Variants in STRA6 observed in about 807,000 individuals in gnomAD.
STRA6 encodes receptor for retinol uptake STRA6.
STRA6 carries 48 observed loss-of-function variants against 83.6 expected under a neutral mutation model. That is an observed-to-expected ratio of 0.57 (90% confidence interval 0.46 to 0.73). The LOEUF is 0.73. Ranked by LOEUF, STRA6 falls within the 30% of genes least tolerant of loss-of-function variation. The pLI is 0.00. For synonymous variants in STRA6, 353 were observed against 362.3 expected (o/e 0.97, Z 0.29); for missense variants, 760 against 838.8 (o/e 0.91, Z 1.16).
intron 7 of STRA6, chr15:74,194,809 C>A: frequency 3.1e-6 from 4 of 1,303,362 alleles, no homozygotes; most frequent in Non-Finnish European, 3.9e-6. Context: ...AAGCCTGTAC[C>A]ATCACTCTTT....
Position 74,183,850 on chromosome 15 carries a change from G to T in STRA6, c.1300+6C>A. On this transcript the variant is annotated splice_donor_region_variant and intron_variant, in intron 14 of 18. Transcript: ENST00000395105. Reference sequence around the variant, plus strand: ...AGGCTGGGTGTGGCGGGCAAGGGAGGCTCACCAAGGCAGATAAAGGCTGTC... The same window carrying T: ...AGGCTGGGTGTGGCGGGCAAGGGAGTCTCACCAAGGCAGATAAAGGCTGTC... 9 of 1,613,872 alleles carry T rather than the reference G, an allele frequency of 5.6e-6. No homozygotes were observed. Among genetic ancestry groups the T allele is most frequent in the Non-Finnish European group, 7.6e-6 (9 of 1,180,006 alleles).
intron 1 of STRA6, chr15:74,208,790 T>C (rs1373779765): frequency 2.0e-6 from 2 of 988,616 alleles, no homozygotes; most frequent in Non-Finnish European, 2.4e-6. Context: ...CAGACTTGGC[T>C]CCAGCCTACC....
chr15:74,195,955 CA>C, intron 5 of STRA6, 52 bp downstream of exon 5: 1 of 1,610,370 alleles, frequency 6.2e-7, no homozygotes, highest in Non-Finnish European at 8.5e-7. Flanking sequence ...TCCGAGACCC[CA>C]CCCTACCCCA....
Position 74,197,076 on chromosome 15 carries a change from G to C in STRA6, c.266+262C>G, listed in dbSNP as rs192612522. On this transcript the variant is annotated intron_variant, in intron 4 of 18. Transcript: ENST00000395105. ...CTGAGAAGGTACACTCTGACGCTGGGTCCTGTCAGGCTTGTTTCCCTAGGG... is the reference window on the plus strand; with the variant it reads ...CTGAGAAGGTACACTCTGACGCTGGCTCCTGTCAGGCTTGTTTCCCTAGGG... Among the ~76,000 whole-genome samples the C allele has an allele frequency of 1.2e-3, 182 of 152,310 alleles. 1 individual carries two copies. Among genetic ancestry groups the C allele is most frequent in the African/African-American group, 4.1e-3 (169 of 41,558 alleles).
rs957417767 is a variant in STRA6, at chr15:74,188,953, C to T, written c.1090+162G>A. Reference sequence around the variant, plus strand: ...TTTCATGGAAGCTCAGAACTGGAAGCGCCAACTGCCACAATTTGGAGATGA... The same window carrying T: ...TTTCATGGAAGCTCAGAACTGGAAGTGCCAACTGCCACAATTTGGAGATGA... On this transcript the variant is annotated intron_variant, in intron 12 of 18. Transcript: ENST00000395105. This position sits in a 1 kb window ranked among gnomAD's most constrained non-coding sequence, Gnocchi z 4.5. 6.6e-6 allele frequency among the ~76,000 whole-genome samples: 1 copy of T among 152,154 alleles called. No individual in the cohort carries two copies. Among genetic ancestry groups the T allele is most frequent in the African/African-American group, 2.4e-5 (1 of 41,424 alleles).
In STRA6 at chr15:74,194,769, C is replaced by T. The variant is rs1394455385; in HGVS notation, c.597+533G>A. 4.7e-6 allele frequency: 6 copies of T among 1,268,148 alleles called. No individual in the cohort carries two copies. The African/African-American group carries it at 7.7e-5, about 16-fold the overall frequency. 78.6% of individuals were successfully genotyped at this position (1,268,148 alleles called of 1,614,324 possible). On this transcript the variant is annotated intron_variant, in intron 7 of 18. Transcript: ENST00000395105. Reference sequence around the variant, plus strand: ...TGAGTGAATGAATGAAGTGGTGAAGCTGGATTCACACTCAGGTTGTCTGGC... The same window carrying T: ...TGAGTGAATGAATGAAGTGGTGAAGTTGGATTCACACTCAGGTTGTCTGGC...
chr15:74,197,429 A>G lies in STRA6; in HGVS notation c.181-6T>C. 1 of 1,550,124 alleles carries G rather than the reference A, an allele frequency of 6.5e-7. No individual in the cohort carries two copies. The highest frequency in any genetic ancestry group is 2.4e-5 in the East Asian group (1 of 40,896). ...AGGAGCAGCAGCACAAGGATCTGAA[A>G]GGAGAGTGCAGAGGAGGGCTTGGGG... is the stretch of plus-strand genomic sequence containing the variant. On this transcript the variant is annotated splice_polypyrimidine_tract_variant and splice_region_variant and intron_variant, in intron 3 of 18. Transcript: ENST00000395105.
At chr15:74,208,303 C>T (rs552917190) in intron 1 of STRA6, among the ~76,000 whole-genome samples, 4 of 152,228 alleles carry the variant, frequency 2.6e-5, no homozygotes, top group Non-Finnish European at 4.4e-5. Context: ...TTCCTGCCTT[C>T]GGAGGACTAG....
In STRA6 at chr15:74,180,967, G is replaced by T. The variant is rs375402405; in HGVS notation, c.1685-30C>A. The T allele has an allele frequency of 1.2e-5, 19 of 1,612,142 alleles. No individual in the cohort carries two copies. The African/African-American group carries it at 2.4e-4, about 20-fold the overall frequency. ...GGTGGGGTGGCGGATGGCAATGCTG[G>T]GGGAGCAGGGGCCACACTGGAGGCA... is the stretch of plus-strand genomic sequence containing the variant. On this transcript the variant is annotated intron_variant, in intron 17 of 18. Coordinates refer to ENST00000395105, the MANE Select transcript of STRA6 (RefSeq NM_022369.4).
intron 16 of STRA6, 54 bp from the exon 17 acceptor site, chr15:74,181,512 G>A: frequency 6.3e-7 from 1 of 1,599,300 alleles, no homozygotes; most frequent in Non-Finnish European, 8.5e-7. Context: ...TCCCTCCCCA[G>A]GGTCAGTGTC....
At chr15:74,189,669 T>C (rs893384926) in intron 11 of STRA6, among the ~76,000 whole-genome samples, 8 of 150,328 alleles carry the variant, frequency 5.3e-5, no homozygotes, top group East Asian at 1.9e-4. Context: ...ACTTCTTCTT[T>C]TTTTTTTTTT....
At chr15:74,184,011 C>CA in intron 13 of STRA6, 22 bp from the exon 14 acceptor site, 5 of 1,611,136 alleles carry the variant, frequency 3.1e-6, no homozygotes, top group Non-Finnish European at 4.2e-6. Context: ...GCCAGGGAGG[C>CA]AGAGACCTCA....
intron 11 of STRA6, among the ~76,000 whole-genome samples, chr15:74,189,502 C>T (rs1015414653): frequency 1.3e-5 from 2 of 152,128 alleles, no homozygotes; most frequent in Admixed American, 6.5e-5. Context: ...CTTCGAGCAC[C>T]GTAACTTCAT....
upstream of STRA6, chr15:74,209,091 C>G: frequency 1.6e-6 from 2 of 1,289,020 alleles, no homozygotes; most frequent in Non-Finnish European, 2.0e-6. Flanking sequence ...CTCCTGCCCT[C>G]ACAGACCTCC....
Position 74,197,787 on chromosome 15 carries a change from G to C in STRA6, c.145C>G (p.Pro49Ala), listed in dbSNP as rs151176007. ...EVPSCHTSIP[P>A]GLYHACLASL... ...GCCAGGCAGGCGTGGTACAGGCCGGGTGGTATGCTGGTGTGGCAGGAGGGC... is the reference window on the plus strand; with the variant it reads ...GCCAGGCAGGCGTGGTACAGGCCGGCTGGTATGCTGGTGTGGCAGGAGGGC... Residue 49 changes from proline (P) to alanine (A), a missense_variant, in exon 3 of 19, where the codon CCC becomes GCC. Pro to Ala is a conservative substitution (Grantham distance 27, BLOSUM62 -1). Coordinates refer to ENST00000395105, the MANE Select transcript of STRA6 (RefSeq NM_022369.4). 6.2e-7 allele frequency: 1 copy of C among 1,613,720 alleles called. No individual in the cohort carries two copies. The highest frequency in any genetic ancestry group is 8.5e-7 in the Non-Finnish European group (1 of 1,180,040).
Position 74,185,030 on chromosome 15 carries a change from C to G in STRA6, c.1116G>C (p.Leu372Phe), listed in dbSNP as rs928072123. 1.2e-6 allele frequency: 2 copies of G among 1,613,932 alleles called. No homozygotes were observed. The highest frequency in any genetic ancestry group is 2.7e-5 in the African/African-American group (2 of 74,940). ...GGACCAGGAAGGTGAGTAAGCAGGA[C>G]AAGACCAAGGCTGAGATGTAGCACA... Reference protein sequence around the residue: ...LEVCYISALVLSCLLTFLVLM... With the variant: ...LEVCYISALVFSCLLTFLVLM... The change falls in exon 13 of 19, where the codon TTG (leucine) becomes TTC (phenylalanine). Residue 372 changes from leucine (L) to phenylalanine (F), a missense_variant. Physicochemically the swap from Leu to Phe is conservative, Grantham distance 22. Coordinates refer to ENST00000395105, the MANE Select transcript of STRA6 (RefSeq NM_022369.4).
chr15:74,202,917 A>C, upstream of STRA6: 3 of 989,608 alleles, frequency 3.0e-6, no homozygotes, highest in Non-Finnish European at 3.6e-6. Context: ...CTGGGGGAGG[A>C]GGCCCCAGCA....
intron 14 of STRA6, among the ~76,000 whole-genome samples, chr15:74,183,087 T>C (rs1185894959): frequency 1.3e-5 from 2 of 152,092 alleles, no homozygotes; most frequent in African/African-American, 2.4e-5. Context: ...CCATTCAGAG[T>C]GCTTTTCTCA....
At chr15:74,209,386 AG>A (rs1452269716), upstream of STRA6, 1 of 1,535,518 alleles carries the variant, frequency 6.5e-7, no homozygotes, top group East Asian at 2.4e-5. Flanking sequence ...CATCACTCCC[AG>A]GGGGCCACTG....
Sources: allele counts gnomAD v4.1 joint callset (sites outside exome capture counted in the v4.1 genomes callset), GRCh38; gene constraint gnomAD v4.1.1; non-coding constraint Gnocchi (gnomAD v3.1); transcripts MANE v1.5; gene names NCBI Gene and HGNC (gene_info 2026-07-23, HGNC 2026-07-21).